The following DDAH1 variants were observed in gnomAD, a reference collection of about 807,000 sequenced individuals.
The protein encoded by DDAH1 is dimethylarginine dimethylaminohydrolase 1.
A neutral mutation model predicts 28.8 loss-of-function variants in DDAH1; 19 were observed. The observed-to-expected ratio is 0.66, with a 90% CI of 0.46 to 0.97. The LOEUF (loss-of-function observed/expected upper bound fraction) is 0.97. DDAH1 is among the 50% of genes least tolerant of loss of function. DDAH1 has a pLI of 0.00. For missense variants in DDAH1, 326 were observed against 375.9 expected (o/e 0.87, Z 1.10); for synonymous variants, 153 against 154.4 (o/e 0.99, Z 0.07).
chr1:85,519,169 C>T (rs1468158037), intron 1 of DDAH1, among the ~76,000 whole-genome samples: 1 of 140,864 alleles, frequency 7.1e-6, no homozygotes, highest in Non-Finnish European at 1.5e-5. Context: ...TCTTGGCTCA[C>T]TGCAAGCTCC....
chr1:85,500,219 T>A (rs1321615856), intron 1 of DDAH1, among the ~76,000 whole-genome samples: 1 of 150,662 alleles, frequency 6.6e-6, no homozygotes, highest in Non-Finnish European at 1.5e-5. Flanking sequence ...TTCCTTCCTT[T>A]CTTTTTTCCT....
chr1:85,529,479 T>A (rs1658005725), intron 1 of DDAH1, among the ~76,000 whole-genome samples: 1 of 151,482 alleles, frequency 6.6e-6, no homozygotes. Flanking sequence ...AATGACCCTT[T>A]GAGAATCTCC....
chr1:85,358,904 AC>A (rs1003476770), intron 1 of DDAH1, 57 bp from the exon 2 acceptor site: 20 of 1,256,770 alleles, frequency 1.6e-5, no homozygotes, highest in Middle Eastern at 1.9e-4. Context: ...CAAGAAAAAA[AC>A]ATCCAAAACA....
At chr1:85,510,820 C>T (rs979764769) in intron 1 of DDAH1, among the ~76,000 whole-genome samples, 1 of 152,192 alleles carries the variant, frequency 6.6e-6, no homozygotes, top group African/African-American at 2.4e-5. Flanking sequence ...TATATATGCA[C>T]TCAATGCAGG....
At chr1:85,537,042 C>T (rs1213239589) in intron 1 of DDAH1, among the ~76,000 whole-genome samples, 1 of 148,658 alleles carries the variant, frequency 6.7e-6, no homozygotes, top group African/African-American at 2.5e-5. Flanking sequence ...GAATACTATT[C>T]AGTCACAAGC....
At chr1:85,330,304 C>T (rs952973086) in intron 4 of DDAH1, among the ~76,000 whole-genome samples, 17 of 152,204 alleles carry the variant, frequency 1.1e-4, no homozygotes, top group African/African-American at 3.9e-4. Context: ...GGCCAAGGAA[C>T]AGGTTCTGTT....
intron 4 of DDAH1, among the ~76,000 whole-genome samples, chr1:85,348,852 T>C (rs984920705): frequency 6.6e-6 from 1 of 152,230 alleles, no homozygotes; most frequent in Admixed American, 6.5e-5. Context: ...GACCAAATGA[T>C]TTGAGTTAGG....
At chr1:85,410,845 CCAAAGTATA>C (rs1222881174) in intron 1 of DDAH1, among the ~76,000 whole-genome samples, 4 of 152,184 alleles carry the variant, frequency 2.6e-5, no homozygotes, top group Admixed American at 1.3e-4. Flanking sequence ...TGCTAGAATG[CCAAAGTATA>C]CAAGCCAATG....
At chr1:85,409,931 C>T (rs1041426991) in intron 1 of DDAH1, among the ~76,000 whole-genome samples, 1 of 152,114 alleles carries the variant, frequency 6.6e-6, no homozygotes, top group Non-Finnish European at 1.5e-5. Flanking sequence ...TGGGAAGATC[C>T]AAAGCCAATT....
At chr1:85,350,686 C>G in intron 3 of DDAH1, 152 bp from the exon 4 acceptor site, 1 of 899,282 alleles carries the variant, frequency 1.1e-6, no homozygotes, top group Non-Finnish European at 1.6e-6. Context: ...TTGGATATTG[C>G]TAGTTAAACG....
At chr1:85,354,996 A>G (rs945993892) in intron 2 of DDAH1, among the ~76,000 whole-genome samples, 1 of 152,102 alleles carries the variant, frequency 6.6e-6, no homozygotes, top group Non-Finnish European at 1.5e-5. Context: ...GGTCCTTAGG[A>G]AAGATTAATA....
rs114447435 is a variant in DDAH1, at chr1:85,391,569, G to A, written c.304-32722C>T. On this transcript the variant is annotated intron_variant, in intron 1 of 5. Coordinates refer to ENST00000284031, the MANE Select transcript of DDAH1 (RefSeq NM_012137.4). ...AGCTCAACCAACTAATACACATATTGGTGAGAATTAGAGAAGCCCCAAAAT... is the reference window on the plus strand; with the variant it reads ...AGCTCAACCAACTAATACACATATTAGTGAGAATTAGAGAAGCCCCAAAAT... Among the ~76,000 whole-genome samples the A allele has an allele frequency of 2.1e-3, 320 of 152,280 alleles. 1 individual carries two copies. Among genetic ancestry groups the A allele is most frequent in the African/African-American group, 7.2e-3 (299 of 41,560 alleles).
At chr1:85,338,507 A>G (rs1012934250) in intron 4 of DDAH1, among the ~76,000 whole-genome samples, 1 of 152,216 alleles carries the variant, frequency 6.6e-6, no homozygotes, top group Non-Finnish European at 1.5e-5. Context: ...AATTTACTTT[A>G]GGAATAGATT....
At chr1:85,419,760 C>T (rs767850917) in intron 1 of DDAH1, among the ~76,000 whole-genome samples, 3 of 152,114 alleles carry the variant, frequency 2.0e-5, no homozygotes, top group Non-Finnish European at 4.4e-5. Context: ...GGGATCCCAT[C>T]TAGGATCCAA....
At chr1:85,389,465 G>A (rs1651436584) in intron 1 of DDAH1, among the ~76,000 whole-genome samples, 1 of 152,120 alleles carries the variant, frequency 6.6e-6, no homozygotes. Flanking sequence ...TTCCAGCACT[G>A]CTGAGTTATC....
chr1:85,526,210 C>T (rs1657865958), intron 1 of DDAH1, among the ~76,000 whole-genome samples: 1 of 152,148 alleles, frequency 6.6e-6, no homozygotes, highest in South Asian at 2.1e-4. Context: ...TCAGTGAGCC[C>T]CAGCTCATGG....
chr1:85,324,805 TTAGATA>T lies in DDAH1; in HGVS notation c.670_675del (p.Tyr224_Leu225del), dbSNP rs772964412. ...AAGACGTGCCCTTTGTTGGGGATAT[TTAGATA>T]TATACAGTTTGCTGCTATGTCATCA... On this transcript the variant is annotated inframe_deletion, in exon 5 of 6. Coordinates refer to ENST00000284031, the MANE Select transcript of DDAH1 (RefSeq NM_012137.4). The T allele has an allele frequency of 1.9e-6, 3 of 1,614,068 alleles. No homozygotes were observed. The South Asian group carries it at 3.3e-5, about 18-fold the overall frequency.
chr1:85,374,090 A>T (rs536552408), intron 1 of DDAH1, among the ~76,000 whole-genome samples: 1 of 152,228 alleles, frequency 6.6e-6, no homozygotes, highest in East Asian at 1.9e-4. Flanking sequence ...TACTCTAAAC[A>T]TCCAAATACT....
chr1:85,554,532 A>C (rs1570670690), intron 1 of DDAH1, among the ~76,000 whole-genome samples: 1 of 152,192 alleles, frequency 6.6e-6, no homozygotes, highest in East Asian at 1.9e-4. Flanking sequence ...TGTAAATATT[A>C]AGATTCCTTA....
Sources: gnomAD v4.1 joint callset for allele counts (sites outside exome capture counted in the v4.1 genomes callset) on GRCh38, gnomAD v4.1.1 for gene constraint, MANE v1.5 for transcripts, NCBI Gene and HGNC (gene_info 2026-07-23, HGNC 2026-07-21) for gene names.